UVRAG: variants seen among roughly 807,000 people sequenced by gnomAD.
UVRAG encodes the protein UV radiation resistance associated, also known as UV radiation resistance-associated gene protein.
In UVRAG, 19 loss-of-function variants were observed where a neutral mutation model predicts 78.0. That is an observed-to-expected ratio of 0.24 (90% CI 0.17 to 0.36). UVRAG has a LOEUF of 0.36. Ranked by LOEUF, UVRAG falls within the 10% of genes least tolerant of loss-of-function variation. The pLI is 1.00. For synonymous variants in UVRAG, 323 were observed against 324.6 expected, an observed-to-expected ratio of 1.00 and a Z score of 0.05; for missense variants, 740 against 853.8, an observed-to-expected ratio of 0.87 and a Z score of 1.66.
intron 13 of UVRAG, among the ~76,000 whole-genome samples, chr11:76,105,811 T>G (rs1402723306): frequency 6.6e-6 from 1 of 152,166 alleles, no homozygotes; most frequent in Non-Finnish European, 1.5e-5. Context: ...ACTGCTAGAA[T>G]GGCTAAAGTT....
chr11:75,818,930 C>T (rs77056121), intron 1 of UVRAG, among the ~76,000 whole-genome samples: 1,940 of 152,202 alleles, frequency 0.013, 37 homozygotes, highest in African/African-American at 0.045. Flanking sequence ...TGAAGATGGG[C>T]TGTTACATGT....
chr11:75,918,422 G>T (rs1466571534), intron 6 of UVRAG, among the ~76,000 whole-genome samples: 8 of 151,796 alleles, frequency 5.3e-5, no homozygotes, highest in Non-Finnish European at 1.0e-4. Context: ...TACTCGCTGG[G>T]CTTAGAAAGC....
intron 14 of UVRAG, among the ~76,000 whole-genome samples, chr11:76,127,634 C>CAAAA (rs36010618): frequency 1.2e-5 from 1 of 82,920 alleles, no homozygotes. Context: ...AACTCCGTCT[C>CAAAA]AAAAAAAAAA....
chr11:75,945,811 T>C (rs768771318), intron 6 of UVRAG, among the ~76,000 whole-genome samples: 6 of 152,092 alleles, frequency 3.9e-5, no homozygotes, highest in Non-Finnish European at 8.8e-5. Context: ...TTGTACTTGT[T>C]TTTGCTTTTG....
chr11:76,076,823 T>C lies in UVRAG; in HGVS notation c.1305+11035T>C, dbSNP rs186004272. 9.3e-3 allele frequency among the ~76,000 whole-genome samples: 1,409 copies of C among 151,056 alleles called. 8 individuals are homozygous for C. Among genetic ancestry groups the C allele is most frequent in the Non-Finnish European group, 0.016 (1,058 of 67,872 alleles). ...GGTTGTATTTATTTATTTATTTATT[T>C]ATTTATTTATTAGAGGCAGATGACA... is the stretch of plus-strand genomic sequence containing the variant. On this transcript the variant is annotated intron_variant, in intron 13 of 14. Coordinates refer to ENST00000356136, the MANE Select transcript of UVRAG (RefSeq NM_003369.4).
At chr11:75,983,193 T>G (rs1011007714) in intron 7 of UVRAG, among the ~76,000 whole-genome samples, 194 bp from the exon 8 acceptor site, 5 of 152,226 alleles carry the variant, frequency 3.3e-5, no homozygotes, top group Admixed American at 1.3e-4. Context: ...ACTTTTACTC[T>G]TATTCTTTGC....
At chr11:75,943,132 T>G (rs73493952) in intron 6 of UVRAG, among the ~76,000 whole-genome samples, 17,022 of 151,976 alleles carry the variant, frequency 0.11, 1,921 homozygotes, top group African/African-American at 0.29. Flanking sequence ...TTTGGGAGGG[T>G]ACAAATATTT....
Position 75,962,421 on chromosome 11 carries a change from C to T in UVRAG, c.699+872C>T, listed in dbSNP as rs79784840. Among the ~76,000 whole-genome samples the T allele has an allele frequency of 1.4e-4, 22 of 152,182 alleles. 1 individual carries two copies. In the East Asian group the frequency reaches 4.2e-3, roughly 29 times the overall value. On this transcript the variant is annotated intron_variant, in intron 7 of 14. Transcript: ENST00000356136. ...ATATAGTAGAAGTATAGAAAAGCAGCAATGCACTTAACCTTACAGAAACTT... is the reference window on the plus strand; with the variant it reads ...ATATAGTAGAAGTATAGAAAAGCAGTAATGCACTTAACCTTACAGAAACTT...
chr11:75,847,220 G>A (rs1215027098), intron 1 of UVRAG, among the ~76,000 whole-genome samples: 11 of 149,990 alleles, frequency 7.3e-5, no homozygotes, highest in African/African-American at 1.5e-4. Context: ...GTCCAACTCC[G>A]GGGTTCAAGT....
chr11:75,902,464 G>T (rs1429446574), intron 5 of UVRAG, among the ~76,000 whole-genome samples: 1 of 152,148 alleles, frequency 6.6e-6, no homozygotes, highest in African/African-American at 2.4e-5. Flanking sequence ...TGCCCTGGGG[G>T]TTGGGAACCC....
chr11:76,017,505 A>G (rs115963978), intron 12 of UVRAG, among the ~76,000 whole-genome samples: 88 of 152,300 alleles, frequency 5.8e-4, no homozygotes, highest in African/African-American at 2.1e-3. Flanking sequence ...AATGACTAAG[A>G]ATTTTCAAAT....
Position 75,945,928 on chromosome 11 carries a change from G to A in UVRAG, c.594-15516G>A, listed in dbSNP as rs188417953. On this transcript the variant is annotated intron_variant, in intron 6 of 14. Transcript: ENST00000356136. Reference sequence around the variant, plus strand: ...AAGACTTTTGCTTCCACTTGACCCCGTCCCTAGAATAGATGCTCCTTTTTT... The same window carrying A: ...AAGACTTTTGCTTCCACTTGACCCCATCCCTAGAATAGATGCTCCTTTTTT... Among the ~76,000 whole-genome samples the A allele has an allele frequency of 2.6e-5, 4 of 151,894 alleles. No individual in the cohort carries two copies. The East Asian group carries it at 5.8e-4, about 22-fold the overall frequency.
chr11:75,884,602 C>T (rs986566120), intron 4 of UVRAG, among the ~76,000 whole-genome samples: 3 of 152,138 alleles, frequency 2.0e-5, no homozygotes, highest in East Asian at 1.9e-4. Context: ...ATATAAAGTG[C>T]AAGGTTCATT....
chr11:75,840,150 A>G (rs1464816981), intron 1 of UVRAG, among the ~76,000 whole-genome samples: 1 of 151,730 alleles, frequency 6.6e-6, no homozygotes, highest in Non-Finnish European at 1.5e-5. Context: ...TTTTTTTTTA[A>G]ATTTTGATCT....
intron 14 of UVRAG, among the ~76,000 whole-genome samples, chr11:76,135,731 G>C (rs564999839): frequency 6.6e-6 from 1 of 152,214 alleles, no homozygotes; most frequent in East Asian, 1.9e-4. Context: ...CTGGTGAGGA[G>C]AATGTGTGCA....
intron 1 of UVRAG, among the ~76,000 whole-genome samples, chr11:75,818,308 G>A (rs1230432795): frequency 6.6e-6 from 1 of 151,784 alleles, no homozygotes; most frequent in African/African-American, 2.4e-5. Context: ...GAGTCATGGA[G>A]TATCTGTGTA....
chr11:76,063,825 A>G (rs1276639313), intron 12 of UVRAG, among the ~76,000 whole-genome samples: 2 of 152,176 alleles, frequency 1.3e-5, no homozygotes, highest in East Asian at 1.9e-4. Context: ...TAAGATTTGT[A>G]TCTTATGTTC....
intron 6 of UVRAG, among the ~76,000 whole-genome samples, chr11:75,952,975 T>C (rs1948731230): frequency 6.6e-6 from 1 of 152,174 alleles, no homozygotes; most frequent in Non-Finnish European, 1.5e-5. Context: ...TTTGTTTGTT[T>C]TGGAAATTTG....
chr11:75,999,235 A>AG (rs1949763570), intron 8 of UVRAG, among the ~76,000 whole-genome samples: 4 of 9,088 alleles, frequency 4.4e-4, no homozygotes, highest in African/African-American at 1.3e-3. Flanking sequence ...TCTGCCTCAG[A>AG]GAAAAAAAAA....
Sources: allele counts gnomAD v4.1 joint callset (sites outside exome capture counted in the v4.1 genomes callset), GRCh38; gene constraint gnomAD v4.1.1; transcripts MANE v1.5; gene names NCBI Gene and HGNC (gene_info 2026-07-23, HGNC 2026-07-21).